NBPF11: variants seen among roughly 807,000 people sequenced by gnomAD.
The protein encoded by NBPF11 is NBPF family member NBPF11.
A neutral mutation model predicts 93.9 loss-of-function variants in NBPF11; 72 were observed. The ratio of observed to expected loss-of-function variants is 0.77; its 90% confidence interval spans 0.63 to 0.93. The LOEUF (loss-of-function observed/expected upper bound fraction) is 0.93. Ranked by LOEUF, NBPF11 falls within the 40% of genes least tolerant of loss-of-function variation. NBPF11 has a pLI of 0.00. For missense variants in NBPF11, 705 were observed against 802.2 expected (o/e 0.88, Z 1.46); for synonymous variants, 224 against 304.9 (o/e 0.73, Z 2.76).
chr1:148,131,284 T>C (rs1251782735), intron 4 of NBPF11, among the ~76,000 whole-genome samples: 1 of 151,422 alleles, frequency 6.6e-6, no homozygotes, highest in African/African-American at 2.4e-5. Flanking sequence ...AAGGCATTCT[T>C]AACAGGAGCC....
At position 148,122,048 on chromosome 1, in the gene NBPF11, A is replaced by T. The variant is rs1210941240; in HGVS notation, c.778+7T>A. The T allele has an allele frequency of 2.8e-5, 45 of 1,594,984 alleles. No individual in the cohort carries two copies. In the Admixed American group the frequency reaches 3.3e-4, roughly 12 times the overall value. On this transcript the variant is annotated splice_region_variant and intron_variant, in intron 9 of 23. Coordinates refer to ENST00000682118, the MANE Select transcript of NBPF11 (RefSeq NM_001385469.3). ...GAGGTATGAGACACAAGGAAAATAG[A>T]GGCTACCTGGGAGAATGTTTAGAGC...
intron 10 of NBPF11, 81 bp downstream of exon 10, chr1:148,120,420 G>C: frequency 1.3e-6 from 1 of 784,374 alleles, no homozygotes; most frequent in South Asian, 1.3e-5. Flanking sequence ...CATTATTTTT[G>C]ATGGAGAGAG....
chr1:148,103,150 G>A lies in NBPF11; in HGVS notation c.*746C>T, dbSNP rs1156981411. ...GCTTCTCTAACCAAAGGAGCCTAGC[G>A]GGTTAACAATTGTCAAGAGCAGTTG... On this transcript the variant is annotated 3_prime_UTR_variant, in exon 24 of 24. Transcript: ENST00000682118. 1.0e-4 allele frequency: 20 copies of A among 193,336 alleles called. No homozygotes were observed. Among genetic ancestry groups the A allele is most frequent in the East Asian group, 2.5e-4 (2 of 8,102 alleles). 12.0% of individuals were successfully genotyped at this position (193,336 alleles called of 1,614,324 possible). A position where few individuals can be genotyped will look rare whatever the true frequency, so the allele number is the denominator to read the frequency against.
Position 148,149,635 on chromosome 1 carries a change from C to A in NBPF11, c.-549+2115G>T, listed in dbSNP as rs2149317398. On this transcript the variant is annotated intron_variant, in intron 1 of 23. Transcript: ENST00000682118. ...GGACCTCACCCCGCGCCGGCCCCCA[C>A]CCAGGGGCTGCATGTGGACCCCCCC... is the stretch of plus-strand genomic sequence containing the variant. 6 of 1,411,704 alleles carry A rather than the reference C, an allele frequency of 4.3e-6. No individual in the cohort carries two copies. In the East Asian group the frequency reaches 1.2e-4, roughly 28 times the overall value. 87.4% of individuals were successfully genotyped at this position (1,411,704 alleles called of 1,614,324 possible). A position where few individuals can be genotyped will look rare whatever the true frequency, so the allele number is the denominator to read the frequency against.
rs1553267090 is a variant in NBPF11, at chr1:148,105,530, T to C, written c.2304-2A>G. The C allele has an allele frequency of 7.7e-6, 6 of 782,078 alleles. 1 individual carries two copies. In the South Asian group the frequency reaches 8.4e-5, roughly 11 times the overall value. The allele number at this position is 782,078 out of a possible 1,614,324, so 48.4% of individuals were successfully genotyped here. A position where few individuals can be genotyped will look rare whatever the true frequency, so the allele number is the denominator to read the frequency against. ...ACCTCCAGCAGCTCCCTGCTGAGCC[T>C]GGAAAAGGAGGAAAAAGTAAAGAAT... is the stretch of plus-strand genomic sequence containing the variant. On this transcript the variant is annotated splice_acceptor_variant, in intron 21 of 23. Coordinates refer to ENST00000682118, the MANE Select transcript of NBPF11 (RefSeq NM_001385469.3). LOFTEE classifies it high-confidence loss of function.
intron 4 of NBPF11, among the ~76,000 whole-genome samples, chr1:148,129,296 C>T (rs1418327893): frequency 1.2e-3 from 173 of 146,678 alleles, no homozygotes; most frequent in African/African-American, 3.9e-3. Flanking sequence ...ATATATATAA[C>T]ACGTGTATAT....
intron 4 of NBPF11, among the ~76,000 whole-genome samples, chr1:148,129,091 T>C (rs1467009157): frequency 3.0e-5 from 4 of 134,796 alleles, no homozygotes; most frequent in Admixed American, 7.6e-5. Context: ...GGCACACGTG[T>C]ATATATATAT....
chr1:148,124,296 T>C (rs1668570844), intron 6 of NBPF11, among the ~76,000 whole-genome samples: 1 of 151,962 alleles, frequency 6.6e-6, no homozygotes, highest in Admixed American at 6.6e-5. Context: ...TCCATTCATC[T>C]TTCCCTTCTG....
chr1:148,149,188 C>G lies in NBPF11; in HGVS notation c.-549+2562G>C, dbSNP rs1480387812. 127 of 1,580,882 alleles carry G rather than the reference C, an allele frequency of 8.0e-5. 2 individuals are homozygous for G. Among genetic ancestry groups the G allele is most frequent in the Non-Finnish European group, 1.0e-4 (117 of 1,170,210 alleles). The stretch of plus-strand genomic sequence containing the variant: ...ACGGCATCAGCCCGGACAGCATCAT[C>G]CTGTACGGGCAGAGCATCGGCACGG... On this transcript the variant is annotated intron_variant, in intron 1 of 23. Transcript: ENST00000682118.
intron 5 of NBPF11, among the ~76,000 whole-genome samples, chr1:148,125,202 A>T (rs1553272790): frequency 6.6e-6 from 1 of 152,020 alleles, no homozygotes; most frequent in East Asian, 1.9e-4. Context: ...ACGAAGAAAG[A>T]GAAACTCAAG....
intron 1 of NBPF11, among the ~76,000 whole-genome samples, chr1:148,150,745 A>G (rs1288021808): frequency 2.4e-5 from 3 of 126,908 alleles, no homozygotes; most frequent in Admixed American, 1.6e-4. Flanking sequence ...TTTTTTTTTT[A>G]GAGGGAGTCT....
At chr1:148,136,981 G>T (rs1671400728) in intron 3 of NBPF11, among the ~76,000 whole-genome samples, 1 of 151,792 alleles carries the variant, frequency 6.6e-6, no homozygotes, top group Admixed American at 6.6e-5. Context: ...AGGGGAGAGG[G>T]TAAATGCACT....
chr1:148,148,740 G>A (rs1367920956), intron 1 of NBPF11, among the ~76,000 whole-genome samples: 4 of 151,980 alleles, frequency 2.6e-5, no homozygotes, highest in Non-Finnish European at 4.4e-5. Context: ...CCGCTGTCCT[G>A]GCCAGTGCAC....
rs1168755044 is a variant in NBPF11 at position 148,120,583 on chromosome 1, C to T, written c.906G>A (p.Lys302=). Residue 302 remains lysine (K), a synonymous_variant, in exon 10 of 24, where the codon AAG becomes AAA. Coordinates refer to ENST00000682118, the MANE Select transcript of NBPF11 (RefSeq NM_001385469.3). The part of the protein sequence containing the change: ...NEKLCPQLAE[K]KQQFRSLKEK... ...CTTTGAGGCTTCTGAACTGCTGTTTCTTCTCTGCCAGCTGGGGGCACAATT... is the reference window on the plus strand; with the variant it reads ...CTTTGAGGCTTCTGAACTGCTGTTTTTTCTCTGCCAGCTGGGGGCACAATT... 6.9e-7 allele frequency: 1 copy of T among 1,440,552 alleles called. No individual in the cohort carries two copies. Among genetic ancestry groups the T allele is most frequent in the African/African-American group, 1.4e-5 (1 of 71,264 alleles). 89.2% of individuals were successfully genotyped at this position (1,440,552 alleles called of 1,614,324 possible). A position where few individuals can be genotyped will look rare whatever the true frequency, so the allele number is the denominator to read the frequency against.
rs1268719122 is a variant in NBPF11, at chr1:148,127,048, A to G, written c.-35-10T>C. The G allele has an allele frequency of 2.1e-5, 12 of 572,582 alleles. No individual in the cohort carries two copies. Among genetic ancestry groups the G allele is most frequent in the Non-Finnish European group, 3.3e-5 (11 of 331,600 alleles). 35.5% of individuals were successfully genotyped at this position (572,582 alleles called of 1,614,324 possible). On this transcript the variant is annotated splice_polypyrimidine_tract_variant and intron_variant, in intron 4 of 23. Transcript: ENST00000682118. ...GAGGTGGAGTCAGGGACTGGGGAGA[A>G]GAAACCCAAACATATGATGGGTTAA...
intron 21 of NBPF11, among the ~76,000 whole-genome samples, chr1:148,105,791 A>AGAG (rs1663450925): frequency 2.8e-5 from 3 of 105,298 alleles, no homozygotes; most frequent in Admixed American, 9.3e-5. Flanking sequence ...GAGAGAGAGA[A>AGAG]AACGAGCTCA....
At position 148,138,071 on chromosome 1, in the gene NBPF11, G is replaced by C. The variant is rs1479851089; in HGVS notation, c.-276-262C>G. 5.9e-5 allele frequency among the ~76,000 whole-genome samples: 9 copies of C among 151,312 alleles called. No homozygotes were observed. The South Asian group carries it at 1.2e-3, about 21-fold the overall frequency. On this transcript the variant is annotated intron_variant, in intron 2 of 23. Coordinates refer to ENST00000682118, the MANE Select transcript of NBPF11 (RefSeq NM_001385469.3). ...GTGGCAGGACAATAGGATAATAGTG[G>C]AGAGAAGATCAGCAGGTAAACACGT...
At chr1:148,122,881 T>C (rs1253468182) in intron 7 of NBPF11, 80 bp from the exon 8 acceptor site, 7 of 1,604,804 alleles carry the variant, frequency 4.4e-6, no homozygotes, top group Non-Finnish European at 6.0e-6. Flanking sequence ...CACAGAGACA[T>C]GAATATCTAT....
At chr1:148,148,656 G>A (rs1397267141) in intron 1 of NBPF11, among the ~76,000 whole-genome samples, 4 of 152,032 alleles carry the variant, frequency 2.6e-5, no homozygotes, top group African/African-American at 9.7e-5. Context: ...ATTGGGTGGA[G>A]ACATTTGGGG....
Sources: allele counts gnomAD v4.1 joint callset (sites outside exome capture counted in the v4.1 genomes callset), GRCh38; gene constraint gnomAD v4.1.1; transcripts MANE v1.5; gene names NCBI Gene and HGNC (gene_info 2026-07-23, HGNC 2026-07-21).